Variants in SRGAP2C observed in about 807,000 individuals in gnomAD.
SRGAP2C encodes SLIT-ROBO Rho GTPase activating protein 2C.
Under a neutral mutation model 25.1 loss-of-function variants are expected in SRGAP2C, and 15 were observed. The observed-to-expected ratio is 0.60, with a 90% CI of 0.40 to 0.92. SRGAP2C has a LOEUF of 0.92. Ranked by LOEUF, SRGAP2C falls within the 40% of genes least tolerant of loss-of-function variation. The probability of loss-of-function intolerance (pLI) is 0.00; values close to 1 mark genes in which losing one functional copy is unlikely to be tolerated. For synonymous variants in SRGAP2C, 44 were observed against 96.6 expected (o/e 0.46, Z 3.19); for missense variants, 144 against 264.4 (o/e 0.54, Z 3.16).
At chr1:121,278,932 C>T (rs1401324931) in intron 2 of SRGAP2C, among the ~76,000 whole-genome samples, 1 of 151,608 alleles carries the variant, frequency 6.6e-6, no homozygotes, top group Admixed American at 6.6e-5. Context: ...CTGAAAGCCT[C>T]AATTGTATTC....
chr1:121,295,183 G>T (rs1327451139), intron 3 of SRGAP2C, among the ~76,000 whole-genome samples: 2 of 120,544 alleles, frequency 1.7e-5, no homozygotes, highest in East Asian at 2.8e-4. Flanking sequence ...TGAGTAGACT[G>T]GTTTAGCTGG....
intron 2 of SRGAP2C, among the ~76,000 whole-genome samples, chr1:121,258,590 T>C (rs79847593): frequency 6.6e-6 from 1 of 151,152 alleles, no homozygotes; most frequent in South Asian, 2.1e-4. Context: ...ATCAGCCTCC[T>C]GAGTAGCTGG....
At chr1:121,366,314 G>T (rs1659321609) in intron 5 of SRGAP2C, among the ~76,000 whole-genome samples, 1 of 126,786 alleles carries the variant, frequency 7.9e-6, no homozygotes, top group Non-Finnish European at 1.7e-5. Context: ...TCACAGAACA[G>T]GCAGTGATGA....
chr1:121,343,065 C>T (rs1257991475), intron 4 of SRGAP2C, among the ~76,000 whole-genome samples: 4 of 151,300 alleles, frequency 2.6e-5, no homozygotes, highest in African/African-American at 9.7e-5. Context: ...TGCTTAATAA[C>T]TGTTCATTAG....
At chr1:121,272,374 A>AT (rs1435551576) in intron 2 of SRGAP2C, among the ~76,000 whole-genome samples, 1 of 151,654 alleles carries the variant, frequency 6.6e-6, no homozygotes, top group Non-Finnish European at 1.5e-5. Context: ...TGGAGCTGGC[A>AT]TTTTGAGCCC....
intron 2 of SRGAP2C, among the ~76,000 whole-genome samples, chr1:121,204,087 T>A (rs1655057250): frequency 1.2e-5 from 1 of 83,314 alleles, no homozygotes; most frequent in Non-Finnish European, 2.3e-5. Flanking sequence ...CTCTGGAGGC[T>A]GAGGCAGGAG....
chr1:121,258,191 C>G (rs1185068377), intron 2 of SRGAP2C, among the ~76,000 whole-genome samples: 2 of 151,312 alleles, frequency 1.3e-5, no homozygotes, highest in Non-Finnish European at 3.0e-5. Flanking sequence ...CTGGGGTTTT[C>G]CTTAGGCTGG....
At chr1:121,376,945 G>T (rs1553353413) in intron 7 of SRGAP2C, among the ~76,000 whole-genome samples, 1 of 150,724 alleles carries the variant, frequency 6.6e-6, no homozygotes, top group Non-Finnish European at 1.5e-5. Context: ...TGTACTCAAG[G>T]CAACTTCCCT....
chr1:121,208,651 G>C (rs1471820672), intron 2 of SRGAP2C, among the ~76,000 whole-genome samples: 1 of 151,694 alleles, frequency 6.6e-6, no homozygotes, highest in Non-Finnish European at 1.5e-5. Context: ...TATTTTGCAC[G>C]TATTTGTTTA....
At chr1:121,278,133 G>A (rs1657153930) in intron 2 of SRGAP2C, among the ~76,000 whole-genome samples, 2 of 151,892 alleles carry the variant, frequency 1.3e-5, no homozygotes, top group South Asian at 4.2e-4. Flanking sequence ...AATTTGTAGA[G>A]CTGGGATTTT....
At chr1:121,294,516 C>G (rs1553338089) in intron 3 of SRGAP2C, among the ~76,000 whole-genome samples, 1 of 134,168 alleles carries the variant, frequency 7.5e-6, no homozygotes. Flanking sequence ...TGTTGCTGAG[C>G]CTTTGATTGT....
intron 3 of SRGAP2C, among the ~76,000 whole-genome samples, chr1:121,306,117 G>A (rs1324357459): frequency 2.3e-4 from 35 of 152,130 alleles, no homozygotes; most frequent in Non-Finnish European, 4.6e-4. Flanking sequence ...GTGTCTGTGG[G>A]TACATTTGTA....
intron 3 of SRGAP2C, among the ~76,000 whole-genome samples, chr1:121,311,064 G>A (rs1366331836): frequency 4.8e-5 from 1 of 20,628 alleles, no homozygotes; most frequent in Non-Finnish European, 9.4e-5. Context: ...AGCATGGAAT[G>A]TTCTTCCATT....
At chr1:121,264,904 T>G (rs1344912484) in intron 2 of SRGAP2C, among the ~76,000 whole-genome samples, 12 of 119,052 alleles carry the variant, frequency 1.0e-4, no homozygotes, top group Non-Finnish European at 3.5e-5. Context: ...ATTTAAAAAT[T>G]TATGAACTTG....
chr1:121,329,486 G>C (rs1416201978), intron 4 of SRGAP2C, among the ~76,000 whole-genome samples: 1 of 137,582 alleles, frequency 7.3e-6, no homozygotes, highest in African/African-American at 2.8e-5. Context: ...TTTCCTACCT[G>C]GGGTTGGGGC....
chr1:121,249,564 ATATATATATATATATATT>A (rs1250270783), intron 2 of SRGAP2C, among the ~76,000 whole-genome samples: 14 of 31,638 alleles, frequency 4.4e-4, no homozygotes, highest in African/African-American at 1.7e-3. Context: ...ATATATATAT[ATATATATATATATATATT>A]TTTTTTTTTT....
At chr1:121,369,529 C>T (rs1388593472) in intron 5 of SRGAP2C, among the ~76,000 whole-genome samples, 5 of 152,128 alleles carry the variant, frequency 3.3e-5, no homozygotes, top group Admixed American at 2.6e-4. Context: ...TGGCTTGGAG[C>T]AGCGGCTGTG....
At chr1:121,281,177 G>A (rs1355165638) in intron 2 of SRGAP2C, among the ~76,000 whole-genome samples, 2 of 151,596 alleles carry the variant, frequency 1.3e-5, no homozygotes, top group South Asian at 4.2e-4. Context: ...AGCGCCTAAG[G>A]CAGCACATTT....
In SRGAP2C at chr1:121,217,159, C is replaced by T. The variant is rs587720031; in HGVS notation, c.67+29646C>T. Among the ~76,000 whole-genome samples, 13 of 151,980 alleles carry T rather than the reference C, an allele frequency of 8.6e-5. No homozygotes were observed. In the South Asian group the frequency reaches 1.0e-3, roughly 12 times the overall value. On this transcript the variant is annotated intron_variant, in intron 2 of 9. Transcript: ENST00000367123. The stretch of plus-strand genomic sequence containing the variant: ...AAAGAGAGGGATTTTAATTAGAAGT[C>T]GTCTAGGCCTACCCCTAATGAAGAA...
Sources: allele counts gnomAD v4.1 joint callset (sites outside exome capture counted in the v4.1 genomes callset), GRCh38; gene constraint gnomAD v4.1.1; transcripts MANE v1.5; gene names NCBI Gene and HGNC (gene_info 2026-07-23, HGNC 2026-07-21).